Variants in WDR70 observed in about 807,000 individuals in gnomAD.
WDR70 encodes the protein WD repeat domain 70, also known as WD repeat-containing protein 70.
WDR70 carries 53 observed loss-of-function variants against 88.6 expected under a neutral mutation model. That is an observed-to-expected ratio of 0.60 (90% CI 0.48 to 0.75). WDR70 has a LOEUF of 0.75. Among genes scored for constraint, WDR70 ranks in the 30% least tolerant of loss-of-function variants. The pLI, the probability that WDR70 is intolerant of heterozygous loss-of-function variation, is 0.00. For missense variants in WDR70, 610 were observed against 823.2 expected, an observed-to-expected ratio of 0.74 and a Z score of 3.17; for synonymous variants, 280 against 270.0, an observed-to-expected ratio of 1.04 and a Z score of -0.36.
chr5:37,394,407 ATTAC>A (rs1748945836), intron 4 of WDR70, among the ~76,000 whole-genome samples: 1 of 152,006 alleles, frequency 6.6e-6, no homozygotes, highest in Non-Finnish European at 1.5e-5. Context: ...TCATTCAACT[ATTAC>A]TTACTGAGCA....
intron 10 of WDR70, among the ~76,000 whole-genome samples, chr5:37,606,222 C>A (rs533929650): frequency 6.6e-6 from 1 of 152,016 alleles, no homozygotes; most frequent in African/African-American, 2.4e-5. Context: ...TGTTGATAGA[C>A]GGGAAAAGAA....
chr5:37,613,111 G>T (rs980361585), intron 10 of WDR70, among the ~76,000 whole-genome samples: 9 of 152,108 alleles, frequency 5.9e-5, no homozygotes, highest in African/African-American at 2.2e-4. Flanking sequence ...GCTGTTAGAA[G>T]CAACATTCAC....
chr5:37,628,857 T>C (rs992229872), intron 10 of WDR70, among the ~76,000 whole-genome samples: 1 of 152,186 alleles, frequency 6.6e-6, no homozygotes, highest in South Asian at 2.1e-4. Context: ...GTATCAGCTC[T>C]ACCAGTGAGT....
At chr5:37,577,316 A>C (rs1743087865) in intron 9 of WDR70, among the ~76,000 whole-genome samples, 1 of 152,050 alleles carries the variant, frequency 6.6e-6, no homozygotes, top group African/African-American at 2.4e-5. Context: ...CCTTCTCTAC[A>C]AAAAATAAAA....
At chr5:37,723,167 G>A (rs1747873812) in intron 15 of WDR70, 5 of 548,630 alleles carry the variant, frequency 9.1e-6, no homozygotes, top group Non-Finnish European at 1.6e-5. Flanking sequence ...GGAAAAGCCT[G>A]TTCGAGTCCA....
At chr5:37,568,914 G>A (rs1028918923) in intron 9 of WDR70, among the ~76,000 whole-genome samples, 1 of 152,304 alleles carries the variant, frequency 6.6e-6, no homozygotes, top group East Asian at 1.9e-4. Context: ...AGCCCAAAGA[G>A]CTGTGTGCAT....
intron 17 of WDR70, among the ~76,000 whole-genome samples, chr5:37,736,347 T>C (rs1453707222): frequency 6.6e-6 from 1 of 152,166 alleles, no homozygotes; most frequent in East Asian, 1.9e-4. Flanking sequence ...TGTGTATGTA[T>C]GTGTTAAAAT....
intron 5 of WDR70, among the ~76,000 whole-genome samples, chr5:37,431,535 A>AT (rs1473219133): frequency 6.6e-6 from 1 of 152,134 alleles, no homozygotes; most frequent in Non-Finnish European, 1.5e-5. Flanking sequence ...AGCCTTGATG[A>AT]TTTTTTAATT....
intron 9 of WDR70, among the ~76,000 whole-genome samples, chr5:37,587,560 G>A (rs887120688): frequency 2.0e-5 from 3 of 151,786 alleles, no homozygotes; most frequent in African/African-American, 7.3e-5. Context: ...CTTTTTCTGG[G>A]TGACTGCCTC....
intron 9 of WDR70, among the ~76,000 whole-genome samples, chr5:37,535,874 C>T (rs1369189495): frequency 6.6e-6 from 1 of 152,132 alleles, no homozygotes; most frequent in East Asian, 1.9e-4. Flanking sequence ...ATAACATGAG[C>T]CAGAATGTGA....
intron 9 of WDR70, among the ~76,000 whole-genome samples, chr5:37,561,004 C>T (rs1581394083): frequency 6.6e-6 from 1 of 151,706 alleles, no homozygotes. Flanking sequence ...CAAGTCAAAG[C>T]TTGGCTGAGC....
intron 8 of WDR70, among the ~76,000 whole-genome samples, chr5:37,485,731 G>A (rs937336010): frequency 1.6e-4 from 24 of 151,726 alleles, no homozygotes; most frequent in African/African-American, 5.8e-4. Context: ...TCACTCTGTT[G>A]CTCAGGCTGG....
intron 5 of WDR70, among the ~76,000 whole-genome samples, chr5:37,431,717 C>T (rs1035637006): frequency 6.6e-6 from 1 of 152,198 alleles, no homozygotes; most frequent in Non-Finnish European, 1.5e-5. Flanking sequence ...CTCCCAGTTT[C>T]CTCCTGCCCC....
At chr5:37,613,183 G>T (rs1224226191) in intron 10 of WDR70, among the ~76,000 whole-genome samples, 2 of 152,122 alleles carry the variant, frequency 1.3e-5, no homozygotes, top group Non-Finnish European at 2.9e-5. Context: ...AAATATGGAT[G>T]ATTATTATCC....
chr5:37,416,473 C>T (rs1349563046), intron 5 of WDR70, among the ~76,000 whole-genome samples: 3 of 151,306 alleles, frequency 2.0e-5, no homozygotes, highest in African/African-American at 4.9e-5. Flanking sequence ...AGTCCAGCTT[C>T]GGCTCGGCAT....
At chr5:37,384,975 AG>A (rs1748559582) in intron 3 of WDR70, among the ~76,000 whole-genome samples, 1 of 152,196 alleles carries the variant, frequency 6.6e-6, no homozygotes, top group African/African-American at 2.4e-5. Context: ...GCTATAAATC[AG>A]GGTTCCCATG....
intron 9 of WDR70, among the ~76,000 whole-genome samples, chr5:37,550,435 A>C (rs1244131735): frequency 1.3e-5 from 2 of 152,208 alleles, no homozygotes; most frequent in Admixed American, 6.5e-5. Context: ...TGAGGAAAAG[A>C]ATGTATATTC....
chr5:37,540,887 A>G (rs1741797534), intron 9 of WDR70, among the ~76,000 whole-genome samples: 1 of 152,056 alleles, frequency 6.6e-6, no homozygotes, highest in Non-Finnish European at 1.5e-5. Flanking sequence ...TTGATATTTT[A>G]TTTTTTTAAA....
intron 5 of WDR70, among the ~76,000 whole-genome samples, chr5:37,435,549 C>T (rs1255581384): frequency 6.6e-6 from 1 of 152,090 alleles, no homozygotes; most frequent in East Asian, 1.9e-4. Context: ...ACAGTAATGT[C>T]TTTGTCTTGA....
Sources: allele counts gnomAD v4.1 joint callset (sites outside exome capture counted in the v4.1 genomes callset), GRCh38; gene constraint gnomAD v4.1.1; transcripts MANE v1.5; gene names NCBI Gene and HGNC (gene_info 2026-07-23, HGNC 2026-07-21).